SUCLG2: variants seen among roughly 807,000 people sequenced by gnomAD.
SUCLG2 encodes succinate-CoA ligase GDP-forming subunit beta.
SUCLG2 carries 42 observed loss-of-function variants against 47.9 expected under a neutral mutation model. The ratio of observed to expected loss-of-function variants is 0.88; its 90% confidence interval spans 0.69 to 1.14. SUCLG2 has a LOEUF of 1.14. SUCLG2 is among the 50% of genes most tolerant of loss of function. The pLI, the probability that SUCLG2 is intolerant of heterozygous loss-of-function variation, is 0.00. For missense variants in SUCLG2, 571 were observed against 525.9 expected, an observed-to-expected ratio of 1.09 and a Z score of -0.84; for synonymous variants, 195 against 197.3, an observed-to-expected ratio of 0.99 and a Z score of 0.10.
chr3:67,521,617 A>ATTT lies in SUCLG2; in HGVS notation c.418-984_418-983insAAA, dbSNP rs1559556658. On this transcript the variant is annotated intron_variant, in intron 4 of 10. Coordinates refer to ENST00000307227, the MANE Select transcript of SUCLG2 (RefSeq NM_003848.4). ...TTTTTTTTAATCTTTTTTTTTTTTAAAAAAAGACAGAGTCTCACTCTGTCA... is the reference window on the plus strand; with the variant it reads ...TTTTTTTTAATCTTTTTTTTTTTTAATTTAAAAAGACAGAGTCTCACTCTGTCA... Among the ~76,000 whole-genome samples, 388 of 147,148 alleles carry ATTT rather than the reference A, an allele frequency of 2.6e-3. 11 individuals are homozygous for ATTT. Among genetic ancestry groups the ATTT allele is most frequent in the African/African-American group, 9.1e-3 (360 of 39,658 alleles).
chr3:67,613,488 T>C (rs999187506), intron 1 of SUCLG2, among the ~76,000 whole-genome samples: 2 of 152,318 alleles, frequency 1.3e-5, no homozygotes, highest in African/African-American at 4.8e-5. Context: ...CAACGTTTAA[T>C]TGCCATCCCT....
rs561333420 is a variant in SUCLG2, at chr3:67,494,729, C to G, written c.1062+1069G>C. Among the ~76,000 whole-genome samples the G allele has an allele frequency of 2.0e-5, 3 of 152,314 alleles. No individual in the cohort carries two copies. The East Asian group carries it at 5.8e-4, about 29-fold the overall frequency. ...TAAAAGAATGAATGAAAACCGTGTA[C>G]ATTAGACTTTCAAAATATTTTGGTC... On this transcript the variant is annotated intron_variant, in intron 9 of 10. Coordinates refer to ENST00000307227, the MANE Select transcript of SUCLG2 (RefSeq NM_003848.4).
At chr3:67,559,285 T>C (rs1707244766) in intron 2 of SUCLG2, among the ~76,000 whole-genome samples, 1 of 152,152 alleles carries the variant, frequency 6.6e-6, no homozygotes, top group Admixed American at 6.5e-5. Context: ...GTTTTCACAA[T>C]GCTATAAATA....
At chr3:67,545,731 T>TC (rs59283910) in intron 2 of SUCLG2, among the ~76,000 whole-genome samples, 12,930 of 151,972 alleles carry the variant, frequency 0.085, 692 homozygotes, top group East Asian at 0.25. Context: ...CCTTTCTCCC[T>TC]CCTCCCTCCT....
exon 11 of SUCLG2, chr3:67,360,671 G>A (rs780080231): frequency 1.3e-6 from 2 of 1,521,366 alleles, no homozygotes; most frequent in South Asian, 1.2e-5. Context: ...TCAGATTTTG[G>A]TGGGCGACGT....
At chr3:67,386,246 G>A (rs1702255790) in intron 10 of SUCLG2, among the ~76,000 whole-genome samples, 2 of 146,864 alleles carry the variant, frequency 1.4e-5, no homozygotes, top group South Asian at 2.1e-4. Flanking sequence ...CCGCCACCAC[G>A]CCCGGCTAAT....
chr3:67,597,549 C>T (rs1295393913), intron 2 of SUCLG2, among the ~76,000 whole-genome samples: 1 of 152,178 alleles, frequency 6.6e-6, no homozygotes, highest in Non-Finnish European at 1.5e-5. Flanking sequence ...TTCTGTACCC[C>T]ACTCCCAGTA....
chr3:67,530,022 A>C (rs1382258232), intron 2 of SUCLG2, among the ~76,000 whole-genome samples: 1 of 152,226 alleles, frequency 6.6e-6, no homozygotes, highest in African/African-American at 2.4e-5. Context: ...CAAATCAAAT[A>C]TGTTTAATAA....
intron 1 of SUCLG2, among the ~76,000 whole-genome samples, chr3:67,648,368 C>T (rs1469031841): frequency 6.6e-6 from 1 of 152,154 alleles, no homozygotes; most frequent in Non-Finnish European, 1.5e-5. Flanking sequence ...CCTTCATCAG[C>T]ACAAGTCCAA....
exon 11 of SUCLG2, chr3:67,360,600 C>G (rs1441621817): frequency 6.8e-7 from 1 of 1,461,226 alleles, no homozygotes; most frequent in East Asian, 2.5e-5. Flanking sequence ...GAAAAGTAAT[C>G]TCAGCAAGTA....
intron 2 of SUCLG2, among the ~76,000 whole-genome samples, chr3:67,558,754 A>G (rs943472986): frequency 2.0e-5 from 3 of 152,210 alleles, no homozygotes; most frequent in African/African-American, 7.2e-5. Context: ...TTGTTAAGCA[A>G]TAATGTAACT....
intron 2 of SUCLG2, among the ~76,000 whole-genome samples, chr3:67,582,959 C>T (rs915168688): frequency 6.6e-6 from 1 of 152,168 alleles, no homozygotes; most frequent in Non-Finnish European, 1.5e-5. Flanking sequence ...TTTCTTCCAT[C>T]AAACTTCCAT....
chr3:67,608,560 T>C (rs554153323), intron 2 of SUCLG2, among the ~76,000 whole-genome samples: 4 of 152,332 alleles, frequency 2.6e-5, no homozygotes, highest in Admixed American at 2.0e-4. Flanking sequence ...TGTACTATTC[T>C]TCATTTCAAA....
rs113119377 is a variant in SUCLG2, at chr3:67,475,988, C to CCTCTCTCTCT, written c.1062+19800_1062+19809dup. 6.3e-3 allele frequency among the ~76,000 whole-genome samples: 927 copies of CCTCTCTCTCT among 146,116 alleles called. 6 individuals carry two copies. Among genetic ancestry groups the CCTCTCTCTCT allele is most frequent in the Middle Eastern group, 0.014 (4 of 278 alleles). On this transcript the variant is annotated intron_variant, in intron 9 of 10. Coordinates refer to ENST00000307227, the MANE Select transcript of SUCLG2 (RefSeq NM_003848.4). ...TGAGTATTCCTTCCCTTTCCTTCTCCCTCTCTCTCTCTCTCTCTCTCTCTC... is the reference window on the plus strand; with the variant it reads ...TGAGTATTCCTTCCCTTTCCTTCTCCCTCTCTCTCTCTCTCTCTCTCTCTCTCTCTCTCTC...
chr3:67,530,503 T>C (rs1190411951), intron 2 of SUCLG2, among the ~76,000 whole-genome samples: 1 of 152,204 alleles, frequency 6.6e-6, no homozygotes, highest in Non-Finnish European at 1.5e-5. Context: ...TCATCATTGT[T>C]ACCCACAGGC....
intron 2 of SUCLG2, among the ~76,000 whole-genome samples, chr3:67,566,571 A>G (rs998793039): frequency 6.6e-6 from 1 of 152,202 alleles, no homozygotes; most frequent in Non-Finnish European, 1.5e-5. Flanking sequence ...AAAATAATGC[A>G]TGCTTTTCTT....
intron 9 of SUCLG2, among the ~76,000 whole-genome samples, chr3:67,446,354 TA>T (rs372575700): frequency 0.16 from 2,756 of 17,364 alleles, 671 homozygotes; most frequent in Middle Eastern, 0.29. Context: ...CATTTGTATA[TA>T]AAAAAAAAAA....
chr3:67,565,267 T>C (rs1444980847), intron 2 of SUCLG2, among the ~76,000 whole-genome samples: 2 of 152,212 alleles, frequency 1.3e-5, no homozygotes, highest in Non-Finnish European at 2.9e-5. Flanking sequence ...TAGTCACATA[T>C]ACTCTATATA....
intron 2 of SUCLG2, among the ~76,000 whole-genome samples, chr3:67,553,333 C>T (rs943607961): frequency 6.6e-6 from 1 of 152,232 alleles, no homozygotes; most frequent in African/African-American, 2.4e-5. Context: ...AAAGGGTCCA[C>T]TTGTGGTCTT....
Sources: allele counts gnomAD v4.1 joint callset (sites outside exome capture counted in the v4.1 genomes callset), GRCh38; gene constraint gnomAD v4.1.1; transcripts MANE v1.5; gene names NCBI Gene and HGNC (gene_info 2026-07-23, HGNC 2026-07-21).